Variants in ATRNL1 observed in about 807,000 individuals in gnomAD.
ATRNL1 encodes the protein attractin-like protein 1.
Under a neutral mutation model 182.7 loss-of-function variants are expected in ATRNL1, and 95 were observed. The ratio of observed to expected loss-of-function variants is 0.52; its 90% CI spans 0.44 to 0.62. The LOEUF is 0.62. ATRNL1 is among the 20% of genes least tolerant of loss of function. ATRNL1 has a pLI of 0.00. For missense variants in ATRNL1, 1,471 were observed against 1,679.5 expected (o/e 0.88, Z 2.17); for synonymous variants, 576 against 568.3 (o/e 1.01, Z -0.19).
At chr10:115,428,797 G>A (rs1419837103) in intron 21 of ATRNL1, among the ~76,000 whole-genome samples, 3 of 152,040 alleles carry the variant, frequency 2.0e-5, no homozygotes, top group African/African-American at 7.2e-5. Flanking sequence ...AAATGCTGCA[G>A]TGAATGAACA....
At chr10:115,160,350 G>T (rs1485236212) in intron 6 of ATRNL1, 136 bp downstream of exon 6, 4 of 699,034 alleles carry the variant, frequency 5.7e-6, no homozygotes, top group Non-Finnish European at 9.4e-6. Context: ...AGACTGATTT[G>T]TGAATACATG....
chr10:115,201,505 C>T (rs1361609651), intron 8 of ATRNL1, among the ~76,000 whole-genome samples: 21 of 152,124 alleles, frequency 1.4e-4, no homozygotes, highest in South Asian at 4.1e-4. Context: ...CCCCATTGCT[C>T]GTTTTTCTCA....
At chr10:115,642,440 C>CTTTTTTTTTTTTTT (rs71303504) in intron 26 of ATRNL1, among the ~76,000 whole-genome samples, 2 of 148,816 alleles carry the variant, frequency 1.3e-5, no homozygotes, top group Non-Finnish European at 1.5e-5. Context: ...AATTCTAGTG[C>CTTTTTTTTTTTTTT]TTTTTTTTTT....
intron 25 of ATRNL1, among the ~76,000 whole-genome samples, chr10:115,541,900 T>G (rs574655446): frequency 1.3e-5 from 2 of 152,318 alleles, no homozygotes; most frequent in South Asian, 4.1e-4. Flanking sequence ...GATAATTTAT[T>G]GAGCTATATA....
intron 16 of ATRNL1, among the ~76,000 whole-genome samples, chr10:115,300,732 C>T (rs1167849520): frequency 6.6e-6 from 1 of 152,110 alleles, no homozygotes; most frequent in Non-Finnish European, 1.5e-5. Flanking sequence ...GTAAAATGTA[C>T]TTAAAATTTA....
At chr10:115,440,993 C>CA (rs1846647016) in intron 21 of ATRNL1, among the ~76,000 whole-genome samples, 1 of 151,472 alleles carries the variant, frequency 6.6e-6, no homozygotes, top group Non-Finnish European at 1.5e-5. Flanking sequence ...CGAATGTTCC[C>CA]ATTTTTTTTT....
intron 20 of ATRNL1, among the ~76,000 whole-genome samples, chr10:115,420,344 CT>C (rs1382286750): frequency 9.9e-5 from 15 of 152,058 alleles, no homozygotes; most frequent in Admixed American, 2.6e-4. Flanking sequence ...GCGGCCTGGC[CT>C]CAAATTTTTA....
At position 115,622,652 on chromosome 10, in the gene ATRNL1, C is replaced by T. The variant is rs998602320; in HGVS notation, c.3795+73116C>T. 5.1e-5 allele frequency among the ~76,000 whole-genome samples: 7 copies of T among 138,388 alleles called. No individual in the cohort carries two copies. The East Asian group carries it at 9.4e-4, about 19-fold the overall frequency. The allele number at this position is 138,388 out of a possible 152,430, so 90.8% of individuals were successfully genotyped here. On this transcript the variant is annotated intron_variant, in intron 26 of 28. Coordinates refer to ENST00000355044, the MANE Select transcript of ATRNL1 (RefSeq NM_207303.4). Reference sequence around the variant, plus strand: ...ATGTAAAATAGAATTTAGGGCGGGGCGCGGTGGCTCACGCCTTGTAATCCA... The same window carrying T: ...ATGTAAAATAGAATTTAGGGCGGGGTGCGGTGGCTCACGCCTTGTAATCCA...
chr10:115,682,607 G>A (rs1555045060), intron 26 of ATRNL1, among the ~76,000 whole-genome samples: 1 of 151,986 alleles, frequency 6.6e-6, no homozygotes, highest in East Asian at 1.9e-4. Context: ...ACCAAATAAT[G>A]CCTATTTGTA....
At chr10:115,814,107 A>G (rs1950110406) in intron 27 of ATRNL1, among the ~76,000 whole-genome samples, 1 of 152,292 alleles carries the variant, frequency 6.6e-6, no homozygotes, top group South Asian at 2.1e-4. Flanking sequence ...GTCAACACCC[A>G]GCTCACTCCC....
chr10:115,128,826 CAAA>C (rs369416130), intron 4 of ATRNL1, among the ~76,000 whole-genome samples: 22 of 110,488 alleles, frequency 2.0e-4, no homozygotes, highest in East Asian at 3.2e-4. Context: ...GACTGTGTCT[CAAA>C]AAAAAAAAAA....
intron 9 of ATRNL1, among the ~76,000 whole-genome samples, chr10:115,226,530 A>T (rs1362712947): frequency 6.6e-6 from 1 of 151,812 alleles, no homozygotes; most frequent in African/African-American, 2.4e-5. Context: ...TGCTATTCCT[A>T]TCAGACTACC....
At chr10:115,603,077 T>C (rs1175243908) in intron 26 of ATRNL1, among the ~76,000 whole-genome samples, 2 of 152,140 alleles carry the variant, frequency 1.3e-5, no homozygotes, top group African/African-American at 2.4e-5. Context: ...TATGCCACTC[T>C]CCCAGCACGT....
At chr10:115,430,911 CA>C (rs1388618887) in intron 21 of ATRNL1, among the ~76,000 whole-genome samples, 1 of 151,816 alleles carries the variant, frequency 6.6e-6, no homozygotes, top group Non-Finnish European at 1.5e-5. Flanking sequence ...ATCATGTGGC[CA>C]AAAATATCAA....
intron 28 of ATRNL1, among the ~76,000 whole-genome samples, chr10:115,851,347 A>G (rs1302107615): frequency 7.5e-6 from 1 of 134,056 alleles, no homozygotes; most frequent in Non-Finnish European, 1.6e-5. Flanking sequence ...TCTTTTCAGG[A>G]GCAGCTAGTG....
chr10:115,859,288 G>A (rs1951256358), intron 28 of ATRNL1, among the ~76,000 whole-genome samples: 1 of 152,068 alleles, frequency 6.6e-6, no homozygotes, highest in African/African-American at 2.4e-5. Context: ...CTGAGTCTCA[G>A]AATGACTAGA....
At chr10:115,780,888 C>G (rs536057199) in intron 27 of ATRNL1, among the ~76,000 whole-genome samples, 1 of 152,252 alleles carries the variant, frequency 6.6e-6, no homozygotes, top group East Asian at 1.9e-4. Flanking sequence ...CAGCACATTC[C>G]CAGCTGTGGC....
intron 21 of ATRNL1, among the ~76,000 whole-genome samples, chr10:115,433,068 A>C (rs543522693): frequency 6.6e-6 from 1 of 152,090 alleles, no homozygotes; most frequent in Non-Finnish European, 1.5e-5. Flanking sequence ...GTAATTGAAC[A>C]CATTTTATTT....
chr10:115,460,605 A>G (rs1016605001), intron 21 of ATRNL1, among the ~76,000 whole-genome samples: 1 of 152,010 alleles, frequency 6.6e-6, no homozygotes, highest in African/African-American at 2.4e-5. Context: ...ATCACAGTTA[A>G]GGCTTGCTTT....
Sources: gnomAD v4.1 joint callset for allele counts (sites outside exome capture counted in the v4.1 genomes callset) on GRCh38, gnomAD v4.1.1 for gene constraint, MANE v1.5 for transcripts, NCBI Gene and HGNC (gene_info 2026-07-23, HGNC 2026-07-21) for gene names.